Variants in ARV1 observed in about 807,000 individuals in gnomAD.
The protein encoded by ARV1 is protein ARV1.
A neutral mutation model predicts 31.1 loss-of-function variants in ARV1; 26 were observed. That is an observed-to-expected ratio of 0.84 (90% CI 0.61 to 1.16). The LOEUF is 1.16. Ranked by LOEUF, ARV1 falls within the 50% of genes most tolerant of loss-of-function variation. The pLI, the probability that ARV1 is intolerant of heterozygous loss-of-function variation, is 0.00. For synonymous variants in ARV1, 117 were observed against 123.2 expected (o/e 0.95, Z 0.34); for missense variants, 281 against 324.9 (o/e 0.86, Z 1.04).
intron 1 of ARV1, among the ~76,000 whole-genome samples, chr1:230,982,476 G>A (rs1375450224): frequency 6.6e-6 from 1 of 152,198 alleles, no homozygotes; most frequent in Non-Finnish European, 1.5e-5. Context: ...TTATGGAAAG[G>A]CAAAATAATT....
In ARV1 at chr1:230,995,907, G is replaced by A. The variant is rs773106853; in HGVS notation, c.596G>A (p.Trp199Ter). The A allele has an allele frequency of 6.2e-7, 1 of 1,613,990 alleles. No homozygotes were observed. The highest frequency in any genetic ancestry group is 8.5e-7 in the Non-Finnish European group (1 of 1,180,004). The change falls in exon 4 of 6, where the codon TGG becomes TAG. Residue 199 changes from tryptophan (W) to a stop codon, truncating the protein, a stop_gained. Coordinates refer to ENST00000310256, the MANE Select transcript of ARV1 (RefSeq NM_022786.3). LOFTEE classifies it high-confidence loss of function. ...GKLLLIPAVI[W>*]EHDYTSVCLK... is the part of the protein sequence containing the mutation. The stretch of plus-strand genomic sequence containing the variant: ...CTCTTGCTGATTCCAGCTGTCATTT[G>A]GGAACATGACTACACATCTGTGTGC...
At chr1:230,991,555 C>T (rs1679226871) in intron 3 of ARV1, among the ~76,000 whole-genome samples, 1 of 152,146 alleles carries the variant, frequency 6.6e-6, no homozygotes, top group Non-Finnish European at 1.5e-5. Context: ...GCAGTCATCC[C>T]TGATGCCTCT....
chr1:230,992,482 T>C lies in ARV1; in HGVS notation c.448+2219T>C, dbSNP rs536297693. Among the ~76,000 whole-genome samples, 218 of 152,356 alleles carry C rather than the reference T, an allele frequency of 1.4e-3. 1 individual carries two copies. The highest frequency in any genetic ancestry group is 3.9e-3 in the South Asian group (19 of 4,824). The stretch of plus-strand genomic sequence containing the variant: ...TTGTTTTTCTTATGGTACTTACTAT[T>C]TAACATATCACAGAAGTTATTATCT... On this transcript the variant is annotated intron_variant, in intron 3 of 5. Coordinates refer to ENST00000310256, the MANE Select transcript of ARV1 (RefSeq NM_022786.3).
intron 5 of ARV1, among the ~76,000 whole-genome samples, chr1:230,999,057 C>T (rs939465371): frequency 6.6e-6 from 1 of 152,180 alleles, no homozygotes; most frequent in African/African-American, 2.4e-5. Flanking sequence ...TCTTCACTGA[C>T]TTCTTTGCCT....
rs772256029 is a variant in ARV1, at chr1:230,997,208, G to A, written c.761G>A (p.Ser254Asn). The change falls in exon 5 of 6, where the codon AGT becomes AAT. Residue 254 changes from serine (S) to asparagine (N), a missense_variant. Coordinates refer to ENST00000310256, the MANE Select transcript of ARV1 (RefSeq NM_022786.3). Reference protein sequence around the residue: ...LESIMVYFFQSMEWDVGSDYA... With the variant: ...LESIMVYFFQNMEWDVGSDYA... Reference sequence around the variant, plus strand: ...AGCATCATGGTCTACTTCTTCCAGAGTATGGAATGGGATGTTGGAAGTGAT... The same window carrying A: ...AGCATCATGGTCTACTTCTTCCAGAATATGGAATGGGATGTTGGAAGTGAT... 6 of 1,613,850 alleles carry A rather than the reference G, an allele frequency of 3.7e-6. No homozygotes were observed. The Admixed American group carries it at 6.7e-5, about 18-fold the overall frequency.
At chr1:230,987,027 T>C (rs1679101482) in intron 1 of ARV1, among the ~76,000 whole-genome samples, 1 of 152,192 alleles carries the variant, frequency 6.6e-6, no homozygotes, top group Non-Finnish European at 1.5e-5. Context: ...ACCTTTTCAC[T>C]TAAAGGATTT....
chr1:230,980,649 A>C (rs1379572925), intron 1 of ARV1, among the ~76,000 whole-genome samples: 2 of 152,056 alleles, frequency 1.3e-5, no homozygotes, highest in East Asian at 3.9e-4. Context: ...AACTTCCACC[A>C]GGTTTGCAAC....
chr1:230,983,839 C>A (rs184865714), intron 1 of ARV1, among the ~76,000 whole-genome samples: 1 of 152,164 alleles, frequency 6.6e-6, no homozygotes, highest in Non-Finnish European at 1.5e-5. Context: ...TTGGTCCTTG[C>A]GTTGTAGGGA....
chr1:230,990,159 G>A lies in ARV1; in HGVS notation c.344G>A (p.Arg115Lys). 6.2e-7 allele frequency: 1 copy of A among 1,612,980 alleles called. No homozygotes were observed. The highest frequency in any genetic ancestry group is 8.5e-7 in the Non-Finnish European group (1 of 1,179,794). The change falls in exon 3 of 6, where the codon AGG becomes AAG. Residue 115 changes from arginine (R) to lysine (K), a missense_variant. Transcript: ENST00000310256. ...IFCLLCEAYL[R>K]WWQLQDSNQN... ...TGTTTGCTTTGTGAAGCATACCTGA[G>A]GTGGTGGCAGCTTCAAGATTCCAAC... is the stretch of plus-strand genomic sequence containing the variant.
At position 230,979,120 on chromosome 1, in the gene ARV1, G is replaced by A. The variant is rs1202808009; in HGVS notation, c.15G>A (p.Gly5=). The A allele has an allele frequency of 6.2e-7, 1 of 1,600,362 alleles. No individual in the cohort carries two copies. The highest frequency in any genetic ancestry group is 2.2e-5 in the East Asian group (1 of 44,554). Reference sequence around the variant, plus strand: ...GTTGAGTGGAAATGGGCAACGGCGGGCGGAGCGGCCTGCAGCAGGGGAAGG... The same window carrying A: ...GTTGAGTGGAAATGGGCAACGGCGGACGGAGCGGCCTGCAGCAGGGGAAGG... MGNG[G]RSGLQQGKGN... is the part of the protein sequence containing the mutation. The change falls in exon 1 of 6, where the codon GGG becomes GGA. Residue 5 remains glycine (G), a synonymous_variant. Transcript: ENST00000310256.
At chr1:230,984,373 T>TGCGC (rs1332620394) in intron 1 of ARV1, among the ~76,000 whole-genome samples, 13 of 111,098 alleles carry the variant, frequency 1.2e-4, no homozygotes, top group South Asian at 3.6e-4. Context: ...CGTGTGTGTG[T>TGCGC]GTGTGTGTGT....
At chr1:230,996,739 C>T (rs189708594) in intron 4 of ARV1, among the ~76,000 whole-genome samples, 23 of 152,184 alleles carry the variant, frequency 1.5e-4, no homozygotes, top group African/African-American at 4.6e-4. Context: ...TGGCCGAAGT[C>T]CTATTTTAAA....
chr1:230,990,062 C>T, intron 2 of ARV1, 48 bp from the exon 3 acceptor site: 1 of 1,552,550 alleles, frequency 6.4e-7, no homozygotes, highest in Non-Finnish European at 8.7e-7. Flanking sequence ...GATACTAGTG[C>T]AACTGGGTTT....
chr1:230,998,409 C>T (rs1293418973), intron 5 of ARV1, among the ~76,000 whole-genome samples: 1 of 152,210 alleles, frequency 6.6e-6, no homozygotes, highest in Non-Finnish European at 1.5e-5. Flanking sequence ...TCTTCATGCC[C>T]AGCTAATCCA....
At chr1:230,986,125 T>C (rs1679059072) in intron 1 of ARV1, among the ~76,000 whole-genome samples, 1 of 151,902 alleles carries the variant, frequency 6.6e-6, no homozygotes, top group Admixed American at 6.6e-5. Context: ...GGTTTCACCA[T>C]GTTAGCCAGG....
At chr1:230,992,887 G>A (rs778011458) in intron 3 of ARV1, among the ~76,000 whole-genome samples, 3 of 152,166 alleles carry the variant, frequency 2.0e-5, no homozygotes, top group Non-Finnish European at 2.9e-5. Flanking sequence ...TAACCGCCAT[G>A]ATGTCCAGTC....
chr1:230,999,247 G>T (rs1679459388), intron 5 of ARV1, among the ~76,000 whole-genome samples: 1 of 152,108 alleles, frequency 6.6e-6, no homozygotes, highest in African/African-American at 2.4e-5. Context: ...GGTGTCACCT[G>T]CACTCTCCTG....
At chr1:230,995,579 A>AC in intron 3 of ARV1, among the ~76,000 whole-genome samples, 181 bp from the exon 4 acceptor site, 1 of 133,838 alleles carries the variant, frequency 7.5e-6, no homozygotes, top group African/African-American at 3.0e-5. Flanking sequence ...CCAGGGGTTT[A>AC]TTTAAAAAAA....
At chr1:230,989,958 C>G in intron 2 of ARV1, 152 bp from the exon 3 acceptor site, 2 of 763,198 alleles carry the variant, frequency 2.6e-6, no homozygotes, top group Non-Finnish European at 4.1e-6. Context: ...TTAAAACTCA[C>G]TGATTACAAA....
Sources: allele counts gnomAD v4.1 joint callset (sites outside exome capture counted in the v4.1 genomes callset), GRCh38; gene constraint gnomAD v4.1.1; transcripts MANE v1.5; gene names NCBI Gene and HGNC (gene_info 2026-07-23, HGNC 2026-07-21).